SCN4A: variants seen among roughly 807,000 people sequenced by gnomAD.
SCN4A encodes the protein sodium channel protein type 4 subunit alpha.
SCN4A carries 83 observed loss-of-function variants against 162.0 expected under a neutral mutation model. That is an observed-to-expected ratio of 0.51 (90% confidence interval 0.43 to 0.61). SCN4A has a LOEUF of 0.61. SCN4A is among the 20% of genes least tolerant of loss of function. The probability of loss-of-function intolerance (pLI) is 0.00; values close to 1 mark genes in which losing one functional copy is unlikely to be tolerated. For missense variants in SCN4A, 2,196 were observed against 2,462.5 expected (o/e 0.89, Z 2.29); for synonymous variants, 944 against 985.1 (o/e 0.96, Z 0.78).
At chr17:63,971,440 G>C (rs1418396832) in intron 4 of SCN4A, among the ~76,000 whole-genome samples, 187 bp from the exon 5 acceptor site, 1 of 152,158 alleles carries the variant, frequency 6.6e-6, no homozygotes, top group African/African-American at 2.4e-5. Context: ...GACAGTGCAG[G>C]AGCTCTGGGG....
At chr17:63,947,318 C>T (rs1327680219) in intron 17 of SCN4A, among the ~76,000 whole-genome samples, 151 bp from the exon 18 acceptor site, 1 of 152,202 alleles carries the variant, frequency 6.6e-6, no homozygotes, top group Admixed American at 6.5e-5. Context: ...GGAAGAGCAG[C>T]CCTGGGACCT....
At chr17:63,963,535 C>T in intron 10 of SCN4A, 137 bp downstream of exon 10, 1 of 851,070 alleles carries the variant, frequency 1.2e-6, no homozygotes, top group Non-Finnish European at 1.7e-6. Flanking sequence ...CCAGCCAGGC[C>T]CCACCCTGAC....
Position 63,947,896 on chromosome 17 carries a change from G to A in SCN4A, c.3312C>T (p.Ile1104=), listed in dbSNP as rs779189351. ...TNAWCWLDFL[I]VDVSIISLVA... is the part of the protein sequence containing the mutation. ...CCAGCGTGGGGGGACTCACATCCAC[G>A]ATGAGGAAGTCGAGCCAGCACCAGG... Residue 1104 remains isoleucine (I), a synonymous_variant, in exon 17 of 24, where the codon ATC becomes ATT. Transcript: ENST00000435607. 23 of 1,613,324 alleles carry A rather than the reference G, an allele frequency of 1.4e-5. No homozygotes were observed. Among genetic ancestry groups the A allele is most frequent in the African/African-American group, 2.7e-5 (2 of 74,914 alleles).
Position 63,951,492 on chromosome 17 carries a change from C to G in SCN4A, c.2785G>C (p.Glu929Gln). 1 of 1,613,622 alleles carries G rather than the reference C, an allele frequency of 6.2e-7. No individual in the cohort carries two copies. Among genetic ancestry groups the G allele is most frequent in the Non-Finnish European group, 8.5e-7 (1 of 1,179,628 alleles). Residue 929 changes from glutamate to glutamine, a missense_variant, in exon 14 of 24, where the codon GAG (glutamate) becomes CAG (glutamine). Transcript: ENST00000435607. This position sits in a 1 kb window ranked among gnomAD's most constrained non-coding sequence, Gnocchi z 4.5. ...GTGGGCATCTCCAGGTCGGACTCCT[C>G]GGAGGCGATGGGCACCTGTATGGTC... ...YLTIQVPIASEESDLEMPTEE... is the reference protein window; with the variant it reads ...YLTIQVPIASQESDLEMPTEE...
At chr17:63,971,906 G>A in intron 3 of SCN4A, 56 bp from the exon 4 acceptor site, 1 of 1,562,056 alleles carries the variant, frequency 6.4e-7, no homozygotes, top group African/African-American at 1.4e-5. Context: ...GGGTCAGTGT[G>A]GCAACGACAG....
chr17:63,958,312 G>A (rs897667121), intron 12 of SCN4A, among the ~76,000 whole-genome samples: 5 of 151,702 alleles, frequency 3.3e-5, no homozygotes, highest in Admixed American at 2.0e-4. Context: ...AGCAGTGATC[G>A]TACCACTGCA....
At chr17:63,968,428 C>T (rs1357649303) in intron 5 of SCN4A, 73 bp from the exon 6 acceptor site, 15 of 1,293,130 alleles carry the variant, frequency 1.2e-5, no homozygotes, top group East Asian at 2.3e-5. Context: ...CGGCCCCCAC[C>T]GCCAAGCTTT....
At position 63,963,761 on chromosome 17, in the gene SCN4A, C is replaced by G. The variant is rs773527637; in HGVS notation, c.1517G>C (p.Cys506Ser). ...ADGDPAHGKD[C>S]NGSLDTSQGE... is the part of the protein sequence containing the mutation. ...TTGCGATGTGTCCAGGCTGCCATTG[C>G]AGTCTTTGCCATGGGCTGGGTCCCC... The change falls in exon 10 of 24, where the codon TGC (cysteine) becomes TCC (serine). Residue 506 changes from cysteine (C) to serine (S), a missense_variant. Cys to Ser is a moderately radical substitution (Grantham distance 112). Transcript: ENST00000435607. 4 of 1,609,276 alleles carry G rather than the reference C, an allele frequency of 2.5e-6. No homozygotes were observed. The highest frequency in any genetic ancestry group is 3.4e-6 in the Non-Finnish European group (4 of 1,178,276).
intron 23 of SCN4A, 34 bp downstream of exon 23, chr17:63,942,792 G>C (rs775792977): frequency 1.9e-6 from 3 of 1,599,148 alleles, no homozygotes; most frequent in East Asian, 4.5e-5. Flanking sequence ...CCTCAGCTCA[G>C]TGCTGCCCTG....
intron 11 of SCN4A, 48 bp downstream of exon 11, chr17:63,961,145 C>A: frequency 8.5e-7 from 1 of 1,180,402 alleles, no homozygotes; most frequent in Non-Finnish European, 1.2e-6. Context: ...TGGGCCCTAC[C>A]CCCTCCCATC....
In SCN4A at chr17:63,941,153, G is replaced by A. The variant is rs2082125518; in HGVS notation, c.5129C>T (p.Pro1710Leu). ...TMEEKFMAAN[P>L]SKVSYEPITT... The stretch of plus-strand genomic sequence containing the variant: ...GATGGGCTCGTAGGACACCTTGGAG[G>A]GGTTGGCTGCCATGAACTTCTCCTC... Residue 1710 changes from proline (P) to leucine (L), a missense_variant, in exon 24 of 24, where the codon CCC becomes CTC. Pro to Leu is a moderately conservative substitution (Grantham distance 98). Coordinates refer to ENST00000435607, the MANE Select transcript of SCN4A (RefSeq NM_000334.4). This position sits in a 1 kb window ranked among gnomAD's most constrained non-coding sequence, Gnocchi z 6.2. The A allele has an allele frequency of 6.2e-7, 1 of 1,613,934 alleles. No individual in the cohort carries two copies. The highest frequency in any genetic ancestry group is 1.1e-5 in the South Asian group (1 of 91,086).
intron 11 of SCN4A, among the ~76,000 whole-genome samples, chr17:63,960,317 C>A (rs1401192629): frequency 6.6e-6 from 1 of 152,250 alleles, no homozygotes; most frequent in East Asian, 1.9e-4. Flanking sequence ...CAGAGCACGC[C>A]CTTACCCTTC....
At position 63,950,618 on chromosome 17, in the gene SCN4A, C is replaced by A. The variant is rs1307592121; in HGVS notation, c.2853+806G>T. ...AGTCAAAAGCTTTCAGGGCAAAGTT[C>A]ATTAGGCTCAGGCTGATGGTGCAGG... On this transcript the variant is annotated intron_variant, in intron 14 of 23. Transcript: ENST00000435607. This position sits in a 1 kb window ranked among gnomAD's most constrained non-coding sequence, Gnocchi z 4.6. Among the ~76,000 whole-genome samples the A allele has an allele frequency of 2.0e-5, 3 of 152,200 alleles. No individual in the cohort carries two copies. Among genetic ancestry groups the A allele is most frequent in the Non-Finnish European group, 4.4e-5 (3 of 68,032 alleles).
intron 3 of SCN4A, 97 bp from the exon 4 acceptor site, chr17:63,971,947 A>G (rs917194906): frequency 7.3e-7 from 1 of 1,376,422 alleles, no homozygotes; most frequent in African/African-American, 1.4e-5. Context: ...CAGAAATGAA[A>G]TATGCCACTC....
At chr17:63,971,121 T>G in intron 5 of SCN4A, 41 bp downstream of exon 5, 1 of 1,290,922 alleles carries the variant, frequency 7.7e-7, no homozygotes, top group Non-Finnish European at 1.1e-6. Context: ...GGTACGGGGG[T>G]CTCTCAGCTC....
Position 63,941,700 on chromosome 17 carries a change from A to C in SCN4A, c.4582T>G (p.Cys1528Gly). The change falls in exon 24 of 24, where the codon TGC becomes GGC. Residue 1528 changes from cysteine to glycine, a missense_variant. Coordinates refer to ENST00000435607, the MANE Select transcript of SCN4A (RefSeq NM_000334.4). This position sits in a 1 kb window ranked among gnomAD's most constrained non-coding sequence, Gnocchi z 6.2. ...GCCGACGTGGTGATCTCGAACAGGC[A>C]GATGATGCTGTTGCCGAAGGTCTCG... ...NFETFGNSII[C>G]LFEITTSAGW... The C allele has an allele frequency of 6.2e-7, 1 of 1,614,128 alleles. No individual in the cohort carries two copies. Among genetic ancestry groups the C allele is most frequent in the Non-Finnish European group, 8.5e-7 (1 of 1,180,030 alleles).
chr17:63,947,728 C>T (rs1284964279), intron 17 of SCN4A, among the ~76,000 whole-genome samples, 162 bp downstream of exon 17: 1 of 152,244 alleles, frequency 6.6e-6, no homozygotes, highest in Non-Finnish European at 1.5e-5. Flanking sequence ...GTCCCTAACC[C>T]CTCCCTGGGC....
chr17:63,953,727 G>T (rs1282313221), intron 13 of SCN4A, among the ~76,000 whole-genome samples: 1 of 151,620 alleles, frequency 6.6e-6, no homozygotes, highest in East Asian at 1.9e-4. Flanking sequence ...AAGAAAGAAA[G>T]TTATACAAGG....
Position 63,939,777 on chromosome 17 carries a change from G to A in SCN4A, c.*994C>T, listed in dbSNP as rs1413071305. 2 of 152,312 alleles carry A rather than the reference G, an allele frequency of 1.3e-5. No individual in the cohort carries two copies. Among genetic ancestry groups the A allele is most frequent in the African/African-American group, 2.4e-5 (1 of 41,446 alleles). 9.4% of individuals were successfully genotyped at this position (152,312 alleles called of 1,614,324 possible). On this transcript the variant is annotated 3_prime_UTR_variant, in exon 24 of 24. Coordinates refer to ENST00000435607, the MANE Select transcript of SCN4A (RefSeq NM_000334.4). ...TCACTTTGGGGAGAGAGGTGGGAAA[G>A]GTGAGAAAGAGACGGGCGTGGGGAG...
Sources: allele counts gnomAD v4.1 joint callset (sites outside exome capture counted in the v4.1 genomes callset), GRCh38; gene constraint gnomAD v4.1.1; non-coding constraint Gnocchi (gnomAD v3.1); transcripts MANE v1.5; gene names NCBI Gene and HGNC (gene_info 2026-07-23, HGNC 2026-07-21).